Variants in TACR3 observed in about 807,000 individuals in gnomAD.
TACR3 encodes the protein tachykinin receptor 3.
In TACR3, 34 loss-of-function variants were observed where a neutral mutation model predicts 35.0. The observed-to-expected ratio is 0.97, with a 90% CI of 0.74 to 1.30. The LOEUF (loss-of-function observed/expected upper bound fraction) is 1.30, where lower values mean the gene tolerates loss of function less well. TACR3 is among the 50% of genes most tolerant of loss of function. TACR3 has a pLI of 0.00. For missense variants in TACR3, 558 were observed against 591.7 expected, an observed-to-expected ratio of 0.94 and a Z score of 0.59; for synonymous variants, 233 against 221.1, an observed-to-expected ratio of 1.05 and a Z score of -0.48.
At chr4:103,717,651 T>A (rs1723120598) in intron 1 of TACR3, among the ~76,000 whole-genome samples, 1 of 151,842 alleles carries the variant, frequency 6.6e-6, no homozygotes, top group Non-Finnish European at 1.5e-5. Context: ...TGCTAATACC[T>A]CTCCCCCTAA....
intron 3 of TACR3, among the ~76,000 whole-genome samples, chr4:103,637,522 C>T (rs1301074721): frequency 7.2e-5 from 11 of 152,102 alleles, no homozygotes; most frequent in South Asian, 2.1e-4. Flanking sequence ...CCTTTGAAAA[C>T]TGGCACAAGA....
chr4:103,712,910 C>G (rs1161415012), intron 1 of TACR3, among the ~76,000 whole-genome samples: 2 of 152,174 alleles, frequency 1.3e-5, no homozygotes, highest in Non-Finnish European at 2.9e-5. Context: ...AAATGCAAAT[C>G]AAAACCACAA....
intron 1 of TACR3, among the ~76,000 whole-genome samples, chr4:103,710,931 G>T (rs1422822477): frequency 6.6e-6 from 1 of 152,074 alleles, no homozygotes; most frequent in Non-Finnish European, 1.5e-5. Context: ...ACCCTCCCAA[G>T]ACTAAACCAG....
intron 1 of TACR3, among the ~76,000 whole-genome samples, chr4:103,711,711 T>C (rs1369664381): frequency 6.6e-6 from 1 of 152,164 alleles, no homozygotes; most frequent in African/African-American, 2.4e-5. Context: ...ATTGTCCCTG[T>C]TTGCAGATGA....
At chr4:103,642,515 A>G (rs755563041) in intron 3 of TACR3, among the ~76,000 whole-genome samples, 4 of 151,824 alleles carry the variant, frequency 2.6e-5, no homozygotes, top group Non-Finnish European at 5.9e-5. Context: ...AGCAACATAG[A>G]TGGAACTGGA....
chr4:103,614,884 G>GTTTTT lies in TACR3; in HGVS notation c.889-23206_889-23202dup, dbSNP rs71580414. Reference sequence around the variant, plus strand: ...TATAACCTAAGTTGATTATGAATGTGTTTTTTTTTTTTTTTTTTTTTTTTT... The same window carrying GTTTTT: ...TATAACCTAAGTTGATTATGAATGTGTTTTTTTTTTTTTTTTTTTTTTTTTTTTTT... On this transcript the variant is annotated intron_variant, in intron 3 of 4. Transcript: ENST00000304883. 5.0e-4 allele frequency among the ~76,000 whole-genome samples: 36 copies of GTTTTT among 72,058 alleles called. 5 individuals carry two copies. Among genetic ancestry groups the GTTTTT allele is most frequent in the African/African-American group, 6.0e-4 (10 of 16,632 alleles). The allele number at this position is 72,058 out of a possible 152,430, so 47.3% of individuals were successfully genotyped here.
chr4:103,587,295 A>C lies in TACR3; in HGVS notation c.*2387T>G, dbSNP rs1232394994. On this transcript the variant is annotated 3_prime_UTR_variant, in exon 5 of 5. Transcript: ENST00000304883. Reference sequence around the variant, plus strand: ...TTGTCGTTTAAATTTTTGAACTTAAAAAATTCTGCCTATAGGTCTCAGTTT... The same window carrying C: ...TTGTCGTTTAAATTTTTGAACTTAACAAATTCTGCCTATAGGTCTCAGTTT... 1 of 151,490 alleles carries C rather than the reference A, an allele frequency of 6.6e-6. No individual in the cohort carries two copies. The highest frequency in any genetic ancestry group is 1.5e-5 in the Non-Finnish European group (1 of 68,006). The allele number at this position is 151,490 out of a possible 1,614,324, so 9.4% of individuals were successfully genotyped here. A position where few individuals can be genotyped will look rare whatever the true frequency, so the allele number is the denominator to read the frequency against.
chr4:103,602,802 G>A (rs1472649457), intron 3 of TACR3, among the ~76,000 whole-genome samples: 1 of 152,216 alleles, frequency 6.6e-6, no homozygotes, highest in African/African-American at 2.4e-5. Context: ...CAGCCCTACT[G>A]GAGGGTGCCT....
chr4:103,691,904 C>T, intron 1 of TACR3, among the ~76,000 whole-genome samples: 1 of 152,132 alleles, frequency 6.6e-6, no homozygotes, highest in South Asian at 2.1e-4. Flanking sequence ...TCTATAGAAA[C>T]AATGCTAATG....
chr4:103,615,750 A>G (rs1428301801), intron 3 of TACR3, among the ~76,000 whole-genome samples: 1 of 152,214 alleles, frequency 6.6e-6, no homozygotes, highest in African/African-American at 2.4e-5. Flanking sequence ...TAAACAGTAA[A>G]AAAGTACACA....
chr4:103,697,583 C>A (rs542217591), intron 1 of TACR3, among the ~76,000 whole-genome samples: 2 of 152,038 alleles, frequency 1.3e-5, no homozygotes, highest in Non-Finnish European at 2.9e-5. Flanking sequence ...CGCCACCACG[C>A]CCGGCTAATT....
intron 1 of TACR3, among the ~76,000 whole-genome samples, chr4:103,682,152 A>C (rs938622337): frequency 2.0e-5 from 3 of 152,074 alleles, no homozygotes; most frequent in Non-Finnish European, 4.4e-5. Context: ...TTATTTTTAG[A>C]GATGGAATCT....
At chr4:103,675,508 C>T (rs1726148864) in intron 1 of TACR3, among the ~76,000 whole-genome samples, 1 of 152,104 alleles carries the variant, frequency 6.6e-6, no homozygotes, top group African/African-American at 2.4e-5. Flanking sequence ...ACAAAGTTAT[C>T]GGTAGACTTC....
At chr4:103,703,303 A>G (rs1722705374) in intron 1 of TACR3, among the ~76,000 whole-genome samples, 1 of 152,228 alleles carries the variant, frequency 6.6e-6, no homozygotes, top group African/African-American at 2.4e-5. Flanking sequence ...GTACATTTAC[A>G]CTATTGTACA....
At chr4:103,613,486 A>AT (rs764749592) in intron 3 of TACR3, among the ~76,000 whole-genome samples, 9,630 of 144,650 alleles carry the variant, frequency 0.067, 1,010 homozygotes, top group African/African-American at 0.22. Flanking sequence ...CGCCCGGCTA[A>AT]TTTTTTTTTT....
rs148762303 is a variant in TACR3 at position 103,618,441 on chromosome 4, G to A, written c.889-26758C>T. Among the ~76,000 whole-genome samples the A allele has an allele frequency of 2.3e-3, 354 of 151,974 alleles. No homozygotes were observed. The Middle Eastern group carries it at 0.024, about 10-fold the overall frequency. ...TCTGTTCTCTTCCATTGGTCTAGGT[G>A]TCTGCTTTTGTACCAGTGCCAAACT... On this transcript the variant is annotated intron_variant, in intron 3 of 4. Coordinates refer to ENST00000304883, the MANE Select transcript of TACR3 (RefSeq NM_001059.3).
At chr4:103,609,102 T>C (rs183742117) in intron 3 of TACR3, among the ~76,000 whole-genome samples, 13 of 152,202 alleles carry the variant, frequency 8.5e-5, no homozygotes, top group African/African-American at 2.6e-4. Context: ...GCCAAAAATA[T>C]GAAGTGTGTA....
intron 1 of TACR3, among the ~76,000 whole-genome samples, chr4:103,681,244 C>T (rs1044433944): frequency 3.3e-5 from 5 of 152,012 alleles, no homozygotes; most frequent in South Asian, 4.1e-4. Flanking sequence ...CACATTCCTA[C>T]GTGTTATGAA....
rs1723835232 is a variant in TACR3, at chr4:103,589,075, TC to T, written c.*606del. On this transcript the variant is annotated 3_prime_UTR_variant, in exon 5 of 5. Coordinates refer to ENST00000304883, the MANE Select transcript of TACR3 (RefSeq NM_001059.3). ...ATTTGCCTAATGATTTAACTAGATTTCCTTTTCAGTTAAATGCCATGGAAGA... is the reference window on the plus strand; with the variant it reads ...ATTTGCCTAATGATTTAACTAGATTTCTTTTCAGTTAAATGCCATGGAAGA... 6.6e-6 allele frequency: 1 copy of T among 152,224 alleles called. No individual in the cohort carries two copies. The highest frequency in any genetic ancestry group is 6.5e-5 in the Admixed American group (1 of 15,268). The allele number at this position is 152,224 out of a possible 1,614,324, so 9.4% of individuals were successfully genotyped here.
Sources: gnomAD v4.1 joint callset for allele counts (sites outside exome capture counted in the v4.1 genomes callset) on GRCh38, gnomAD v4.1.1 for gene constraint, MANE v1.5 for transcripts, NCBI Gene and HGNC (gene_info 2026-07-23, HGNC 2026-07-21) for gene names.